CCDC192: variants seen among roughly 807,000 people sequenced by gnomAD.
CCDC192 encodes coiled-coil domain containing 192.
intron 5 of CCDC192, among the ~76,000 whole-genome samples, chr5:127,803,097 A>T (rs994686378): frequency 2.0e-5 from 3 of 152,238 alleles, no homozygotes; most frequent in Non-Finnish European, 4.4e-5. Flanking sequence ...CTTAACATGA[A>T]AATTAACAAC....
chr5:127,864,791 C>T (rs1751530974), intron 5 of CCDC192, among the ~76,000 whole-genome samples: 1 of 152,148 alleles, frequency 6.6e-6, no homozygotes, highest in Admixed American at 6.5e-5. Context: ...ATACATATAA[C>T]CCAATTCACT....
chr5:127,763,420 C>T (rs1471854622), intron 3 of CCDC192, among the ~76,000 whole-genome samples: 1 of 152,148 alleles, frequency 6.6e-6, no homozygotes, highest in African/African-American at 2.4e-5. Context: ...TTCTCTATCT[C>T]CACTATCACC....
At chr5:127,825,184 T>C (rs1749470942) in intron 5 of CCDC192, among the ~76,000 whole-genome samples, 1 of 152,226 alleles carries the variant, frequency 6.6e-6, no homozygotes, top group Admixed American at 6.5e-5. Flanking sequence ...TATTTTCTAA[T>C]CTATTAAAAC....
chr5:127,773,161 A>G (rs1312199790), intron 3 of CCDC192, among the ~76,000 whole-genome samples: 2 of 152,226 alleles, frequency 1.3e-5, no homozygotes, highest in Non-Finnish European at 2.9e-5. Context: ...TTATTAATTT[A>G]AAATGAAACC....
chr5:127,891,091 G>C (rs1752718753), intron 6 of CCDC192, among the ~76,000 whole-genome samples: 1 of 152,032 alleles, frequency 6.6e-6, no homozygotes, highest in Non-Finnish European at 1.5e-5. Context: ...TTGCTCTGTC[G>C]CCCAGGCTGG....
chr5:127,828,918 T>C (rs1156963425), intron 5 of CCDC192, among the ~76,000 whole-genome samples: 1 of 152,196 alleles, frequency 6.6e-6, no homozygotes, highest in Non-Finnish European at 1.5e-5. Context: ...ATTTATATTA[T>C]AGAAACAGAC....
intron 3 of CCDC192, among the ~76,000 whole-genome samples, chr5:127,789,172 A>G (rs1328387464): frequency 1.3e-5 from 2 of 152,254 alleles, no homozygotes; most frequent in African/African-American, 4.8e-5. Flanking sequence ...AATTGGTAAC[A>G]AGAAGTGGGA....
intron 3 of CCDC192, among the ~76,000 whole-genome samples, chr5:127,788,725 C>T (rs1756702911): frequency 6.6e-6 from 1 of 152,082 alleles, no homozygotes; most frequent in East Asian, 1.9e-4. Context: ...TCCTGTAGGC[C>T]TCTTAGGTTC....
intron 3 of CCDC192, among the ~76,000 whole-genome samples, chr5:127,768,194 A>G (rs1755342422): frequency 6.6e-6 from 1 of 151,964 alleles, no homozygotes. Context: ...AGAGGTTGCA[A>G]TGAGCCAAGA....
chr5:127,794,527 T>C (rs2126962171), intron 3 of CCDC192, among the ~76,000 whole-genome samples: 1 of 152,338 alleles, frequency 6.6e-6, no homozygotes, highest in East Asian at 1.9e-4. Flanking sequence ...TTAACTATTA[T>C]TAATATTATT....
intron 5 of CCDC192, among the ~76,000 whole-genome samples, chr5:127,866,115 A>G (rs1015923133): frequency 5.9e-5 from 9 of 152,142 alleles, no homozygotes; most frequent in Non-Finnish European, 5.9e-5. Flanking sequence ...TGTGCAGACC[A>G]TTTAGCATCA....
At chr5:127,842,252 C>A (rs142701579) in intron 5 of CCDC192, among the ~76,000 whole-genome samples, 2 of 152,176 alleles carry the variant, frequency 1.3e-5, no homozygotes, top group Admixed American at 6.5e-5. Context: ...TCTCACTTTG[C>A]GGCTTAGCTT....
At chr5:127,892,813 A>G (rs2127157453) in intron 6 of CCDC192, among the ~76,000 whole-genome samples, 1 of 152,364 alleles carries the variant, frequency 6.6e-6, no homozygotes, top group South Asian at 2.1e-4. Flanking sequence ...GGTTAAATAG[A>G]AACACATAGC....
intron 6 of CCDC192, among the ~76,000 whole-genome samples, chr5:127,933,714 A>G (rs1033686004): frequency 1.1e-4 from 17 of 152,128 alleles, no homozygotes; most frequent in East Asian, 3.9e-4. Context: ...TTGACATCCA[A>G]TCCCCAGTGG....
chr5:127,835,982 T>C (rs114591648), intron 5 of CCDC192, among the ~76,000 whole-genome samples: 1 of 152,144 alleles, frequency 6.6e-6, no homozygotes, highest in East Asian at 1.9e-4. Flanking sequence ...CTTAACTAAT[T>C]TCAGCACTAA....
chr5:127,824,968 C>T (rs1749458401), intron 5 of CCDC192, among the ~76,000 whole-genome samples: 1 of 152,160 alleles, frequency 6.6e-6, no homozygotes, highest in African/African-American at 2.4e-5. Flanking sequence ...GGTAGTTGTT[C>T]AAGCACACAA....
At chr5:127,733,841 T>TC (rs1471891981) in intron 2 of CCDC192, among the ~76,000 whole-genome samples, 1 of 147,244 alleles carries the variant, frequency 6.8e-6, no homozygotes, top group African/African-American at 2.5e-5. Flanking sequence ...CATTGAAGTT[T>TC]CTTTTTTTTT....
Position 127,899,261 on chromosome 5 carries a change from A to G in CCDC192, c.535+23600A>G, listed in dbSNP as rs544398446. 2.0e-5 allele frequency among the ~76,000 whole-genome samples: 3 copies of G among 152,320 alleles called. 1 individual carries two copies. The highest frequency in any genetic ancestry group is 4.8e-5 in the African/African-American group (2 of 41,578). On this transcript the variant is annotated intron_variant, in intron 6 of 6. Transcript: ENST00000514853. Reference sequence around the variant, plus strand: ...GAGGACCAAACAGGGATCATTCTCTATACAGACATTTGTCTGAGGAGAGAA... The same window carrying G: ...GAGGACCAAACAGGGATCATTCTCTGTACAGACATTTGTCTGAGGAGAGAA...
intron 6 of CCDC192, among the ~76,000 whole-genome samples, chr5:127,919,154 T>A (rs1386887054): frequency 6.6e-6 from 1 of 151,432 alleles, no homozygotes; most frequent in South Asian, 2.1e-4. Flanking sequence ...CAGGCCTTAT[T>A]CCAGTAGCTC....
Sources: allele counts gnomAD v4.1 joint callset (sites outside exome capture counted in the v4.1 genomes callset), GRCh38; gene constraint gnomAD v4.1.1; transcripts MANE v1.5; gene names NCBI Gene and HGNC (gene_info 2026-07-23, HGNC 2026-07-21).